The following CSMD1 variants were observed in gnomAD, a reference collection of about 807,000 sequenced individuals.
CSMD1 encodes the protein CUB and sushi domain-containing protein 1.
Under a neutral mutation model 417.5 loss-of-function variants are expected in CSMD1, and 213 were observed. The ratio of observed to expected loss-of-function variants is 0.51; its 90% confidence interval spans 0.46 to 0.57. The LOEUF is 0.57. Ranked by LOEUF, CSMD1 falls within the 20% of genes least tolerant of loss-of-function variation. The pLI is 0.00. For synonymous variants in CSMD1, 2,862 were observed against 1,736.8 expected (o/e 1.65, Z -16.11); for missense variants, 6,923 against 4,529.7 (o/e 1.53, Z -15.17).
At chr8:4,384,021 C>T (rs1224148517) in intron 3 of CSMD1, among the ~76,000 whole-genome samples, 4 of 149,972 alleles carry the variant, frequency 2.7e-5, no homozygotes, top group African/African-American at 7.4e-5. Context: ...GACCACCCCC[C>T]GCCTCATAAC....
intron 5 of CSMD1, among the ~76,000 whole-genome samples, chr8:3,844,456 A>G (rs1011928485): frequency 6.6e-6 from 1 of 152,196 alleles, no homozygotes; most frequent in Non-Finnish European, 1.5e-5. Flanking sequence ...AGGTCCAGGG[A>G]GTTGATGTAT....
At chr8:3,272,847 T>G (rs1408655752) in intron 26 of CSMD1, among the ~76,000 whole-genome samples, 2 of 150,716 alleles carry the variant, frequency 1.3e-5, no homozygotes, top group African/African-American at 4.9e-5. Context: ...ACAGTGGGGT[T>G]TTCCAGATAT....
intron 7 of CSMD1, among the ~76,000 whole-genome samples, chr8:3,626,675 C>A (rs895876998): frequency 1.3e-5 from 2 of 151,356 alleles, no homozygotes; most frequent in African/African-American, 2.4e-5. Flanking sequence ...AGGATAAGTA[C>A]ATTCCAATAC....
At chr8:4,308,492 C>T (rs967477187) in intron 3 of CSMD1, among the ~76,000 whole-genome samples, 2 of 152,144 alleles carry the variant, frequency 1.3e-5, no homozygotes, top group Non-Finnish European at 2.9e-5. Context: ...TGAAACACGG[C>T]AAAAGGCCAT....
At chr8:4,592,344 A>G (rs1333851103) in intron 2 of CSMD1, among the ~76,000 whole-genome samples, 2 of 151,926 alleles carry the variant, frequency 1.3e-5, no homozygotes, top group African/African-American at 4.8e-5. Context: ...AAATTGTCAC[A>G]AATATTTTAA....
chr8:4,959,452 T>C (rs73659417), intron 1 of CSMD1, among the ~76,000 whole-genome samples: 25 of 152,350 alleles, frequency 1.6e-4, no homozygotes, highest in African/African-American at 6.0e-4. Flanking sequence ...AGCCTAACCA[T>C]GCACAGAGAG....
intron 3 of CSMD1, among the ~76,000 whole-genome samples, chr8:4,087,503 T>C (rs1456570605): frequency 6.6e-6 from 1 of 152,178 alleles, no homozygotes; most frequent in Non-Finnish European, 1.5e-5. Flanking sequence ...AAACCTATTA[T>C]TTTTATCCTC....
chr8:3,502,260 G>C (rs753759525), intron 10 of CSMD1, among the ~76,000 whole-genome samples: 10 of 151,762 alleles, frequency 6.6e-5, no homozygotes, highest in South Asian at 4.2e-4. Flanking sequence ...AGCTACTCGG[G>C]AGGCTGAGGC....
At chr8:3,080,242 A>G (rs913924517) in intron 49 of CSMD1, among the ~76,000 whole-genome samples, 1 of 152,180 alleles carries the variant, frequency 6.6e-6, no homozygotes, top group Admixed American at 6.5e-5. Context: ...TCTTTGAGAT[A>G]ATACAGAGAA....
rs1253596218 is a variant in CSMD1 at position 4,694,884 on chromosome 8, A to T, written c.86-57326T>A. 5.3e-5 allele frequency among the ~76,000 whole-genome samples: 8 copies of T among 152,162 alleles called. No individual in the cohort carries two copies. The East Asian group carries it at 1.5e-3, about 29-fold the overall frequency. ...TCTCAGCCAAATTTTCATCTTTCAG[A>T]CATTTTACTCCAAAATCCAATCTAT... On this transcript the variant is annotated intron_variant, in intron 1 of 69. Transcript: ENST00000635120.
At chr8:3,765,058 T>G (rs1051716020) in intron 5 of CSMD1, among the ~76,000 whole-genome samples, 6 of 152,178 alleles carry the variant, frequency 3.9e-5, no homozygotes, top group Non-Finnish European at 4.4e-5. Flanking sequence ...CTGCCCTTTT[T>G]TCTAAAAATA....
chr8:4,471,595 A>C (rs2130054753), intron 2 of CSMD1, among the ~76,000 whole-genome samples: 1 of 152,216 alleles, frequency 6.6e-6, no homozygotes, highest in East Asian at 1.9e-4. Context: ...AGGTGCAGGG[A>C]GAAAACAACC....
intron 36 of CSMD1, among the ~76,000 whole-genome samples, chr8:3,185,166 G>A (rs1193153038): frequency 6.6e-6 from 1 of 152,224 alleles, no homozygotes; most frequent in African/African-American, 2.4e-5. Context: ...TGACGTCAGA[G>A]GGGAGTCCTG....
At chr8:4,466,481 A>G (rs1800177770) in intron 2 of CSMD1, among the ~76,000 whole-genome samples, 1 of 151,980 alleles carries the variant, frequency 6.6e-6, no homozygotes, top group Non-Finnish European at 1.5e-5. Flanking sequence ...AATTTAGCCT[A>G]TATATTGAAC....
At chr8:4,860,651 C>T (rs1421294329) in intron 1 of CSMD1, among the ~76,000 whole-genome samples, 1 of 152,120 alleles carries the variant, frequency 6.6e-6, no homozygotes, top group African/African-American at 2.4e-5. Flanking sequence ...AATGCTAATA[C>T]AGCCTAACAC....
At chr8:3,282,978 AT>A (rs778500347) in intron 26 of CSMD1, among the ~76,000 whole-genome samples, 4 of 152,148 alleles carry the variant, frequency 2.6e-5, no homozygotes, top group African/African-American at 4.8e-5. Context: ...CCACGGTGCC[AT>A]CCGAAGGGCA....
intron 3 of CSMD1, among the ~76,000 whole-genome samples, chr8:4,124,162 G>C (rs572167993): frequency 6.6e-6 from 1 of 152,288 alleles, no homozygotes; most frequent in African/African-American, 2.4e-5. Context: ...ACAGTCTGCG[G>C]AGGCGCAGGG....
chr8:4,373,410 A>G (rs537651684), intron 3 of CSMD1, among the ~76,000 whole-genome samples: 1 of 152,344 alleles, frequency 6.6e-6, no homozygotes. Flanking sequence ...AAATGTTAAC[A>G]ACAGAGGAGA....
At chr8:4,432,411 G>A (rs1376895558) in intron 2 of CSMD1, among the ~76,000 whole-genome samples, 1 of 152,098 alleles carries the variant, frequency 6.6e-6, no homozygotes, top group African/African-American at 2.4e-5. Flanking sequence ...ATGTTATGTT[G>A]ATTTCCTAGA....
Sources: allele counts gnomAD v4.1 joint callset (sites outside exome capture counted in the v4.1 genomes callset), GRCh38; gene constraint gnomAD v4.1.1; transcripts MANE v1.5; gene names NCBI Gene and HGNC (gene_info 2026-07-23, HGNC 2026-07-21).